KCNJ1: variants seen among roughly 807,000 people sequenced by gnomAD.
KCNJ1 encodes the protein ATP-sensitive inward rectifier potassium channel 1.
In KCNJ1, 24 loss-of-function variants were observed where a neutral mutation model predicts 21.9. The observed-to-expected ratio is 1.10, with a 90% CI of 0.79 to 1.54. The LOEUF (loss-of-function observed/expected upper bound fraction) is 1.54, where lower values mean the gene tolerates loss of function less well. Ranked by LOEUF, KCNJ1 falls within the 40% of genes most tolerant of loss-of-function variation. The pLI, the probability that KCNJ1 is intolerant of heterozygous loss-of-function variation, is 0.00. For synonymous variants in KCNJ1, 152 were observed against 160.9 expected, an observed-to-expected ratio of 0.94 and a Z score of 0.42; for missense variants, 457 against 455.4, an observed-to-expected ratio of 1.00 and a Z score of -0.03.
chr11:128,843,720 A>G (rs1191979439), intron 2 of KCNJ1, among the ~76,000 whole-genome samples: 2 of 152,206 alleles, frequency 1.3e-5, no homozygotes, highest in African/African-American at 2.4e-5. Flanking sequence ...TTCTTTGCAA[A>G]CATACTTCAA....
intron 1 of KCNJ1, among the ~76,000 whole-genome samples, chr11:128,861,718 G>A (rs1463057652): frequency 6.6e-6 from 1 of 152,040 alleles, no homozygotes; most frequent in Non-Finnish European, 1.5e-5. Context: ...GTCGGTAAGC[G>A]GCCACCGGAA....
chr11:128,845,083 A>C (rs552885725), intron 2 of KCNJ1, among the ~76,000 whole-genome samples: 1 of 152,374 alleles, frequency 6.6e-6, no homozygotes, highest in East Asian at 1.9e-4. Context: ...AGTCGATTGA[A>C]TCTGGAAACA....
At chr11:128,857,512 G>A (rs887423714) in intron 1 of KCNJ1, among the ~76,000 whole-genome samples, 4 of 152,244 alleles carry the variant, frequency 2.6e-5, no homozygotes, top group African/African-American at 9.6e-5. Context: ...CCCCTGGGCT[G>A]GGAGTGCCAC....
chr11:128,856,947 A>T (rs1261068553), intron 1 of KCNJ1, among the ~76,000 whole-genome samples: 1 of 152,102 alleles, frequency 6.6e-6, no homozygotes, highest in African/African-American at 2.4e-5. Context: ...GAGTCCTGAA[A>T]ATCGGATCAT....
chr11:128,854,502 A>T, intron 1 of KCNJ1, among the ~76,000 whole-genome samples: 1 of 151,642 alleles, frequency 6.6e-6, no homozygotes, highest in East Asian at 1.9e-4. Context: ...TCCCCACCCC[A>T]CACCACATAC....
intron 1 of KCNJ1, among the ~76,000 whole-genome samples, chr11:128,854,343 C>T (rs1029331097): frequency 3.3e-5 from 5 of 152,140 alleles, no homozygotes; most frequent in African/African-American, 1.2e-4. Context: ...TGTTGTATTC[C>T]TGGAGTCAGC....
intron 1 of KCNJ1, among the ~76,000 whole-genome samples, chr11:128,856,624 C>G (rs75314565): frequency 0.033 from 5,016 of 152,302 alleles, 264 homozygotes; most frequent in African/African-American, 0.11. Context: ...CTGAATACAA[C>G]TGATTTCATG....
rs548845871 is a variant in KCNJ1, at chr11:128,854,427, G to C, written c.-191-3537C>G. 2.3e-4 allele frequency among the ~76,000 whole-genome samples: 35 copies of C among 152,102 alleles called. No individual in the cohort carries two copies. The South Asian group carries it at 7.1e-3, about 31-fold the overall frequency. ...GCATGACCTCGCAGACAAGCCAGAG[G>C]CCCACGGGCCCATTCAAAACCCCGC... On this transcript the variant is annotated intron_variant, in intron 1 of 2. Coordinates refer to ENST00000392666, the MANE Select transcript of KCNJ1 (RefSeq NM_153766.3).
chr11:128,853,984 C>T (rs113085163), intron 1 of KCNJ1, among the ~76,000 whole-genome samples: 6,542 of 152,296 alleles, frequency 0.043, 141 homozygotes, highest in Middle Eastern at 0.085. Flanking sequence ...CTCTTCCCTG[C>T]TGCTGCCCAG....
At chr11:128,849,765 G>C (rs1233414792) in intron 2 of KCNJ1, among the ~76,000 whole-genome samples, 1 of 152,210 alleles carries the variant, frequency 6.6e-6, no homozygotes, top group Non-Finnish European at 1.5e-5. Context: ...CTGAGGTTGT[G>C]GGAGTGACAT....
chr11:128,864,646 G>T (rs1943785101), intron 1 of KCNJ1, among the ~76,000 whole-genome samples: 1 of 152,090 alleles, frequency 6.6e-6, no homozygotes, highest in African/African-American at 2.4e-5. Context: ...CTTTTGGCTT[G>T]AGCCTAGGTC....
intron 1 of KCNJ1, among the ~76,000 whole-genome samples, chr11:128,864,941 C>A (rs1050344321): frequency 1.3e-5 from 2 of 151,996 alleles, no homozygotes; most frequent in African/African-American, 4.8e-5. Context: ...AGATCTTACC[C>A]CGGTTCTCAC....
rs1406829249 is a variant in KCNJ1, at chr11:128,850,732, G to A, written c.-33C>T. On this transcript the variant is annotated 5_prime_UTR_variant, in exon 2 of 3. Transcript: ENST00000392666. ...ATCAAGCCACTCACCTCTGTCAGAA[G>A]AGGTTCAGGAGATGATTTTCAAAAC... 2 of 985,218 alleles carry A rather than the reference G, an allele frequency of 2.0e-6. No individual in the cohort carries two copies. Among genetic ancestry groups the A allele is most frequent in the Non-Finnish European group, 2.4e-6 (2 of 829,828 alleles). The allele number at this position is 985,218 out of a possible 1,614,324, so 61.0% of individuals were successfully genotyped here.
rs104894246 is a variant in KCNJ1, at chr11:128,839,660, G to A, written c.584C>T (p.Ala195Val). Residue 195 changes from alanine (A) to valine (V), a missense_variant, in exon 3 of 3, where the codon GCT becomes GTT. Ala to Val is a moderately conservative substitution (Grantham distance 64). Coordinates refer to ENST00000392666, the MANE Select transcript of KCNJ1 (RefSeq NM_153766.3). ...AATAAGAAGGCTCTTCCTGAGATTA[G>A]CCACTCGGATTAGGAGGCAAAGCTT... is the stretch of plus-strand genomic sequence containing the variant. ...GGKLCLLIRVANLRKSLLIGS... is the reference protein window; with the variant it reads ...GGKLCLLIRVVNLRKSLLIGS... The A allele has an allele frequency of 1.2e-5, 20 of 1,613,472 alleles. No homozygotes were observed. Among genetic ancestry groups the A allele is most frequent in the Admixed American group, 6.7e-5 (4 of 60,004 alleles).
At chr11:128,865,360 C>T (rs1291164009) in intron 1 of KCNJ1, among the ~76,000 whole-genome samples, 1 of 152,100 alleles carries the variant, frequency 6.6e-6, no homozygotes, top group African/African-American at 2.4e-5. Flanking sequence ...AGCCCAAGTA[C>T]CTGCCCTCTA....
chr11:128,839,538 C>T lies in KCNJ1; in HGVS notation c.706G>A (p.Ala236Thr), dbSNP rs147621487. The part of the protein sequence containing the change: ...DQININFVVD[A>T]GNENLFFISP... Reference sequence around the variant, plus strand: ...ATGAAGAATAAATTTTCATTCCCAGCGTCAACTACAAAGTTGATATTGATC... The same window carrying T: ...ATGAAGAATAAATTTTCATTCCCAGTGTCAACTACAAAGTTGATATTGATC... The change falls in exon 3 of 3, where the codon GCT (alanine) becomes ACT (threonine). Residue 236 changes from alanine to threonine, a missense_variant. Ala to Thr is a moderately conservative substitution (Grantham distance 58). Transcript: ENST00000392666. The T allele has an allele frequency of 7.4e-6, 12 of 1,613,960 alleles. No homozygotes were observed. Among genetic ancestry groups the T allele is most frequent in the Admixed American group, 6.7e-5 (4 of 59,986 alleles).
At chr11:128,846,921 G>A (rs956383468) in intron 2 of KCNJ1, among the ~76,000 whole-genome samples, 1 of 152,028 alleles carries the variant, frequency 6.6e-6, no homozygotes, top group Non-Finnish European at 1.5e-5. Context: ...ATGATGGATT[G>A]GGATAAAACA....
Position 128,839,477 on chromosome 11 carries a change from T to A in KCNJ1, c.767A>T (p.Asn256Ile). The A allele has an allele frequency of 6.2e-7, 1 of 1,614,212 alleles. No individual in the cohort carries two copies. Among genetic ancestry groups the A allele is most frequent in the South Asian group, 1.1e-5 (1 of 91,086 alleles). Reference protein sequence around the residue: ...PLTIYHVIDHNSPFFHMAAET... With the variant: ...PLTIYHVIDHISPFFHMAAET... ...CGCTGCCATGTGGAAGAAAGGGCTG[T>A]TGTGATCAATGACATGGTAAATTGT... The change falls in exon 3 of 3, where the codon AAC becomes ATC. Residue 256 changes from asparagine (N) to isoleucine (I), a missense_variant. By Grantham distance (149) the Asn-to-Ile change is moderately radical. Transcript: ENST00000392666.
In KCNJ1 at chr11:128,849,900, G is replaced by A. The variant is rs112284396; in HGVS notation, c.-22+821C>T. 1.0e-2 allele frequency among the ~76,000 whole-genome samples: 1,517 copies of A among 152,090 alleles called. 26 individuals are homozygous for A. Among genetic ancestry groups the A allele is most frequent in the African/African-American group, 0.03 (1,254 of 41,490 alleles). ...GCAACACCTCCAACCCCTCCTGCCCGCCCGCCAACCCACCACCTGGTGGAT... is the reference window on the plus strand; with the variant it reads ...GCAACACCTCCAACCCCTCCTGCCCACCCGCCAACCCACCACCTGGTGGAT... On this transcript the variant is annotated intron_variant, in intron 2 of 2. Coordinates refer to ENST00000392666, the MANE Select transcript of KCNJ1 (RefSeq NM_153766.3).
Sources: gnomAD v4.1 joint callset for allele counts (sites outside exome capture counted in the v4.1 genomes callset) on GRCh38, gnomAD v4.1.1 for gene constraint, MANE v1.5 for transcripts, NCBI Gene and HGNC (gene_info 2026-07-23, HGNC 2026-07-21) for gene names.